CDH12: variants seen among roughly 807,000 people sequenced by gnomAD.
The protein encoded by CDH12 is cadherin-12.
In CDH12, 41 loss-of-function variants were observed where a neutral mutation model predicts 74.1. The observed-to-expected ratio is 0.55, with a 90% confidence interval of 0.43 to 0.72. The LOEUF (loss-of-function observed/expected upper bound fraction) is 0.72. Among genes scored for constraint, CDH12 ranks in the 30% least tolerant of loss-of-function variants. CDH12 has a pLI of 0.00. For missense variants in CDH12, 945 were observed against 977.2 expected, an observed-to-expected ratio of 0.97 and a Z score of 0.44; for synonymous variants, 399 against 355.0, an observed-to-expected ratio of 1.12 and a Z score of -1.39.
intron 5 of CDH12, among the ~76,000 whole-genome samples, chr5:22,048,246 C>T (rs1740104853): frequency 6.6e-6 from 1 of 152,086 alleles, no homozygotes; most frequent in East Asian, 1.9e-4. Flanking sequence ...GACATATGAT[C>T]TAACAGAACA....
chr5:21,854,872 TC>T (rs758136021), intron 6 of CDH12, 82 bp from the exon 7 acceptor site: 1 of 1,352,914 alleles, frequency 7.4e-7, no homozygotes, highest in Non-Finnish European at 1.0e-6. Flanking sequence ...GACTCGATTT[TC>T]CTTTGGTATT....
At chr5:22,497,097 A>G (rs1360749716) in intron 2 of CDH12, among the ~76,000 whole-genome samples, 2 of 152,212 alleles carry the variant, frequency 1.3e-5, no homozygotes, top group Non-Finnish European at 2.9e-5. Flanking sequence ...TATGAGGATT[A>G]ATTAAACAAC....
intron 3 of CDH12, among the ~76,000 whole-genome samples, chr5:22,320,989 C>G (rs1333924102): frequency 6.6e-6 from 1 of 152,102 alleles, no homozygotes; most frequent in Non-Finnish European, 1.5e-5. Context: ...TCCTATGTTG[C>G]TCTATGATAA....
intron 9 of CDH12, among the ~76,000 whole-genome samples, chr5:21,814,601 T>C (rs1276693333): frequency 6.6e-6 from 1 of 151,070 alleles, no homozygotes; most frequent in Non-Finnish European, 1.5e-5. Flanking sequence ...AATGAAAACA[T>C]AAACATAAAA....
intron 4 of CDH12, among the ~76,000 whole-genome samples, chr5:22,128,460 C>T (rs1226375326): frequency 9.9e-5 from 15 of 151,454 alleles, no homozygotes; most frequent in Non-Finnish European, 1.5e-4. Context: ...AAACTTATTT[C>T]TATCACACAT....
intron 8 of CDH12, among the ~76,000 whole-genome samples, chr5:21,823,842 T>G (rs1282188665): frequency 6.6e-6 from 1 of 152,124 alleles, no homozygotes; most frequent in Non-Finnish European, 1.5e-5. Context: ...GACTCACAGT[T>G]TGAATAATCA....
At chr5:22,605,889 C>G (rs1469704771) in intron 1 of CDH12, among the ~76,000 whole-genome samples, 7 of 152,224 alleles carry the variant, frequency 4.6e-5, no homozygotes, top group African/African-American at 1.7e-4. Context: ...CATGGGTCAT[C>G]TGCATCTCCA....
intron 1 of CDH12, among the ~76,000 whole-genome samples, chr5:22,628,736 A>G (rs1404369346): frequency 6.6e-6 from 1 of 152,182 alleles, no homozygotes; most frequent in Non-Finnish European, 1.5e-5. Flanking sequence ...GAGGACAAGA[A>G]ATATCCAAAA....
chr5:21,862,103 C>T (rs902526185), intron 6 of CDH12, among the ~76,000 whole-genome samples: 3 of 151,640 alleles, frequency 2.0e-5, no homozygotes, highest in Non-Finnish European at 4.4e-5. Flanking sequence ...GTATATACAC[C>T]TTAACAACTA....
At chr5:22,492,624 G>A (rs1276118729) in intron 2 of CDH12, among the ~76,000 whole-genome samples, 1 of 152,116 alleles carries the variant, frequency 6.6e-6, no homozygotes, top group East Asian at 1.9e-4. Flanking sequence ...TGGGATTACA[G>A]GAGTGAGCCA....
intron 1 of CDH12, among the ~76,000 whole-genome samples, chr5:22,678,047 G>C (rs200729111): frequency 6.1e-4 from 67 of 109,962 alleles, no homozygotes; most frequent in South Asian, 1.2e-3. Context: ...ATCCTCATGG[G>C]GGGGGGGGTT....
At chr5:21,927,996 C>T (rs1186311698) in intron 6 of CDH12, among the ~76,000 whole-genome samples, 5 of 151,852 alleles carry the variant, frequency 3.3e-5, no homozygotes, top group Non-Finnish European at 5.9e-5. Flanking sequence ...GGCGTGAACC[C>T]GGGAGGCGGA....
intron 2 of CDH12, among the ~76,000 whole-genome samples, chr5:22,440,842 A>T (rs1744595318): frequency 6.6e-6 from 1 of 152,172 alleles, no homozygotes; most frequent in South Asian, 2.1e-4. Flanking sequence ...TCACATCTGC[A>T]AAGTTATTTT....
chr5:21,773,124 C>T (rs1387738314), intron 11 of CDH12, among the ~76,000 whole-genome samples: 1 of 151,990 alleles, frequency 6.6e-6, no homozygotes, highest in African/African-American at 2.4e-5. Flanking sequence ...ATTATTATTT[C>T]CGATGTATAT....
chr5:21,861,251 C>T (rs1751029292), intron 6 of CDH12, among the ~76,000 whole-genome samples: 1 of 151,598 alleles, frequency 6.6e-6, no homozygotes, highest in Non-Finnish European at 1.5e-5. Context: ...TATACTTACC[C>T]ACTAACCTGT....
At chr5:22,767,941 A>T (rs1486989141) in intron 1 of CDH12, among the ~76,000 whole-genome samples, 1 of 152,036 alleles carries the variant, frequency 6.6e-6, no homozygotes, top group African/African-American at 2.4e-5. Context: ...ATGGTCTATG[A>T]TTAAAGAGAA....
intron 4 of CDH12, among the ~76,000 whole-genome samples, chr5:22,211,587 A>G (rs996724194): frequency 4.6e-5 from 7 of 151,944 alleles, no homozygotes; most frequent in African/African-American, 7.2e-5. Context: ...AAACTTTGGA[A>G]AAAAGTTGCT....
At chr5:21,943,934 C>T (rs1221666043) in intron 6 of CDH12, among the ~76,000 whole-genome samples, 1 of 152,066 alleles carries the variant, frequency 6.6e-6, no homozygotes, top group African/African-American at 2.4e-5. Context: ...TATCCCTGAA[C>T]ATCAGTTAGT....
At chr5:22,355,750 T>C (rs1400177960) in intron 3 of CDH12, among the ~76,000 whole-genome samples, 2 of 152,050 alleles carry the variant, frequency 1.3e-5, no homozygotes, top group African/African-American at 4.8e-5. Flanking sequence ...CCCGGGGTGA[T>C]GTCCATGGGT....
Sources: gnomAD v4.1 joint callset for allele counts (sites outside exome capture counted in the v4.1 genomes callset) on GRCh38, gnomAD v4.1.1 for gene constraint, MANE v1.5 for transcripts, NCBI Gene and HGNC (gene_info 2026-07-23, HGNC 2026-07-21) for gene names.